Variants in CTNNA3 observed in about 807,000 individuals in gnomAD.
The protein encoded by CTNNA3 is catenin alpha-3.
Under a neutral mutation model 95.7 loss-of-function variants are expected in CTNNA3, and 76 were observed. The ratio of observed to expected loss-of-function variants is 0.79; its 90% CI spans 0.66 to 0.96. The LOEUF (loss-of-function observed/expected upper bound fraction) is 0.96, where lower values mean the gene tolerates loss of function less well. Among genes scored for constraint, CTNNA3 ranks in the 40% least tolerant of loss-of-function variants. The pLI is 0.00. For missense variants in CTNNA3, 1,191 were observed against 1,089.8 expected (o/e 1.09, Z -1.31); for synonymous variants, 431 against 374.4 (o/e 1.15, Z -1.74).
intron 10 of CTNNA3, among the ~76,000 whole-genome samples, chr10:66,536,304 A>T (rs915406665): frequency 4.6e-5 from 7 of 152,018 alleles, no homozygotes; most frequent in Admixed American, 4.6e-4. Flanking sequence ...CAACATGGCG[A>T]AACTCCATCT....
chr10:67,470,924 G>C (rs896683684), intron 5 of CTNNA3, among the ~76,000 whole-genome samples: 3 of 151,950 alleles, frequency 2.0e-5, no homozygotes, highest in Non-Finnish European at 1.5e-5. Context: ...GAGACTACAG[G>C]CATGTGCCAC....
chr10:67,265,260 A>G (rs1325263114), intron 5 of CTNNA3, among the ~76,000 whole-genome samples: 5 of 152,212 alleles, frequency 3.3e-5, no homozygotes, highest in Non-Finnish European at 7.3e-5. Flanking sequence ...TTGAAGGCTC[A>G]TATTCCGTTA....
chr10:66,561,092 A>AATAAAT (rs1286051867), intron 10 of CTNNA3, among the ~76,000 whole-genome samples: 2 of 152,062 alleles, frequency 1.3e-5, no homozygotes, highest in African/African-American at 4.8e-5. Flanking sequence ...TAAAAATAAA[A>AATAAAT]ACTTTAAACT....
chr10:67,549,746 GA>G (rs1353908765), intron 3 of CTNNA3, among the ~76,000 whole-genome samples: 1 of 152,068 alleles, frequency 6.6e-6, no homozygotes, highest in Non-Finnish European at 1.5e-5. Context: ...TTTATGACAT[GA>G]AAAATTATAT....
intron 12 of CTNNA3, among the ~76,000 whole-genome samples, chr10:66,358,120 T>C (rs1285578406): frequency 6.6e-6 from 1 of 152,166 alleles, no homozygotes. Context: ...TATTAATAAT[T>C]TGTATTTTCT....
At chr10:67,628,015 A>G (rs918250136) in intron 2 of CTNNA3, among the ~76,000 whole-genome samples, 1 of 150,080 alleles carries the variant, frequency 6.7e-6, no homozygotes, top group Non-Finnish European at 1.5e-5. Flanking sequence ...GATATAAATA[A>G]AACTAAATGG....
At chr10:66,269,447 T>C (rs1190132738) in intron 13 of CTNNA3, among the ~76,000 whole-genome samples, 2 of 152,318 alleles carry the variant, frequency 1.3e-5, no homozygotes, top group South Asian at 2.1e-4. Context: ...TTTATTTTAA[T>C]TTTATATTTT....
intron 17 of CTNNA3, among the ~76,000 whole-genome samples, chr10:65,936,228 T>C (rs1422940089): frequency 6.6e-6 from 1 of 152,132 alleles, no homozygotes; most frequent in Non-Finnish European, 1.5e-5. Context: ...GGATTCTTTA[T>C]TTTCTTAAGT....
At chr10:67,652,244 C>T (rs183881083) in intron 1 of CTNNA3, among the ~76,000 whole-genome samples, 104 of 152,340 alleles carry the variant, frequency 6.8e-4, no homozygotes, top group African/African-American at 2.4e-3. Context: ...ATTCTAATAT[C>T]ATCACCCTGG....
At chr10:67,469,893 G>GTTT (rs1463137851) in intron 5 of CTNNA3, among the ~76,000 whole-genome samples, 1 of 152,164 alleles carries the variant, frequency 6.6e-6, no homozygotes, top group Non-Finnish European at 1.5e-5. Flanking sequence ...ATCACATCAT[G>GTTT]TAAAATAGGG....
intron 7 of CTNNA3, among the ~76,000 whole-genome samples, chr10:66,883,708 T>C (rs974651153): frequency 2.0e-5 from 3 of 152,154 alleles, no homozygotes; most frequent in African/African-American, 7.2e-5. Context: ...TGCTCTTTTT[T>C]CATTTTTATA....
intron 12 of CTNNA3, among the ~76,000 whole-genome samples, chr10:66,289,291 A>G (rs911731426): frequency 2.0e-5 from 2 of 101,572 alleles, no homozygotes; most frequent in Non-Finnish European, 4.2e-5. Context: ...TACAAGGTTA[A>G]GATTTTTAAA....
At chr10:66,381,065 AT>A (rs2092834829) in intron 11 of CTNNA3, among the ~76,000 whole-genome samples, 3 of 152,140 alleles carry the variant, frequency 2.0e-5, no homozygotes, top group African/African-American at 7.2e-5. Context: ...AAGAGACATA[AT>A]TTTTGAAAAA....
intron 7 of CTNNA3, among the ~76,000 whole-genome samples, chr10:67,071,379 G>A (rs555049976): frequency 4.1e-5 from 6 of 145,154 alleles, no homozygotes; most frequent in Admixed American, 1.4e-4. Flanking sequence ...ATTTTCAATA[G>A]ATATATTTGT....
At chr10:67,742,318 A>G (rs528304536) in intron 1 of CTNNA3, among the ~76,000 whole-genome samples, 1 of 151,530 alleles carries the variant, frequency 6.6e-6, no homozygotes, top group East Asian at 1.9e-4. Context: ...ACCACGGTGC[A>G]ATCAAACTAG....
intron 14 of CTNNA3, among the ~76,000 whole-genome samples, chr10:66,081,360 C>G (rs1303455341): frequency 2.0e-5 from 3 of 152,016 alleles, no homozygotes; most frequent in Admixed American, 1.3e-4. Context: ...GGCTGTAATT[C>G]CAATACTTTC....
chr10:66,444,446 G>A (rs192208028), intron 11 of CTNNA3, among the ~76,000 whole-genome samples: 1 of 151,988 alleles, frequency 6.6e-6, no homozygotes, highest in Non-Finnish European at 1.5e-5. Flanking sequence ...TACCCACAAA[G>A]GGAAAGCCAT....
intron 9 of CTNNA3, among the ~76,000 whole-genome samples, chr10:66,749,234 G>T (rs981930239): frequency 7.6e-6 from 1 of 131,134 alleles, no homozygotes; most frequent in African/African-American, 3.1e-5. Context: ...AAAAAGAAAA[G>T]GAAAGAAAGA....
chr10:66,297,790 G>A (rs1031264571), intron 12 of CTNNA3, among the ~76,000 whole-genome samples: 3 of 152,198 alleles, frequency 2.0e-5, no homozygotes, highest in Admixed American at 1.3e-4. Context: ...GTATTTCTAT[G>A]GTGGAGCTAC....
Sources: allele counts gnomAD v4.1 joint callset (sites outside exome capture counted in the v4.1 genomes callset), GRCh38; gene constraint gnomAD v4.1.1; transcripts MANE v1.5; gene names NCBI Gene and HGNC (gene_info 2026-07-23, HGNC 2026-07-21).